Variants in ATG10 observed in about 807,000 individuals in gnomAD.
ATG10 encodes the protein autophagy related 10, also known as ubiquitin-like-conjugating enzyme ATG10.
ATG10 carries 30 observed loss-of-function variants against 32.1 expected under a neutral mutation model. The ratio of observed to expected loss-of-function variants is 0.94; its 90% confidence interval spans 0.70 to 1.27. The LOEUF (loss-of-function observed/expected upper bound fraction) is 1.27, where lower values mean the gene tolerates loss of function less well. Among genes scored for constraint, ATG10 ranks in the 50% most tolerant of loss-of-function variants. ATG10 has a pLI of 0.00. For missense variants in ATG10, 233 were observed against 262.3 expected (o/e 0.89, Z 0.77); for synonymous variants, 87 against 91.5 (o/e 0.95, Z 0.28).
At chr5:82,169,629 T>C (rs1200432248) in intron 4 of ATG10, among the ~76,000 whole-genome samples, 1 of 152,196 alleles carries the variant, frequency 6.6e-6, no homozygotes, top group African/African-American at 2.4e-5. Flanking sequence ...TTGTAAAGAA[T>C]CTTTAAGAAA....
intron 5 of ATG10, among the ~76,000 whole-genome samples, chr5:82,203,890 C>T (rs114436204): frequency 2.6e-5 from 4 of 152,110 alleles, no homozygotes; most frequent in Admixed American, 6.5e-5. Flanking sequence ...ACTTTTATTG[C>T]GGTCCCAGGT....
At chr5:82,108,380 A>G (rs2149811288) in intron 3 of ATG10, among the ~76,000 whole-genome samples, 1 of 151,998 alleles carries the variant, frequency 6.6e-6, no homozygotes, top group South Asian at 2.1e-4. Flanking sequence ...ACCTATATAT[A>G]TGTGCATATA....
At chr5:82,036,426 T>G (rs1762924691) in intron 2 of ATG10, among the ~76,000 whole-genome samples, 1 of 152,118 alleles carries the variant, frequency 6.6e-6, no homozygotes, top group Admixed American at 6.5e-5. Context: ...AAACCCCATC[T>G]CTACTAAAAA....
At chr5:82,101,051 G>C (rs1317530796) in intron 3 of ATG10, among the ~76,000 whole-genome samples, 1 of 152,050 alleles carries the variant, frequency 6.6e-6, no homozygotes, top group East Asian at 1.9e-4. Flanking sequence ...AAGTAGAGAG[G>C]TTATAGGTAA....
chr5:81,997,868 C>T (rs1761714484), intron 2 of ATG10, among the ~76,000 whole-genome samples: 1 of 152,104 alleles, frequency 6.6e-6, no homozygotes, highest in African/African-American at 2.4e-5. Flanking sequence ...TGTACAAAAC[C>T]TTTGAAAAAT....
chr5:82,168,858 C>A (rs962114575), intron 4 of ATG10, among the ~76,000 whole-genome samples: 1 of 152,134 alleles, frequency 6.6e-6, no homozygotes, highest in Non-Finnish European at 1.5e-5. Flanking sequence ...AAGAGGACAT[C>A]TTTGGAGTGC....
At chr5:82,004,082 G>A (rs771682873) in intron 2 of ATG10, among the ~76,000 whole-genome samples, 29 of 151,734 alleles carry the variant, frequency 1.9e-4, no homozygotes, top group Non-Finnish European at 3.7e-4. Flanking sequence ...GCAGTGAGCC[G>A]AGATTGTGCT....
At chr5:82,048,859 C>T (rs1469976226) in intron 2 of ATG10, among the ~76,000 whole-genome samples, 3 of 152,162 alleles carry the variant, frequency 2.0e-5, no homozygotes, top group Admixed American at 6.5e-5. Flanking sequence ...TACCATCTCA[C>T]ACCAGTTAGA....
intron 2 of ATG10, among the ~76,000 whole-genome samples, chr5:81,988,747 T>C (rs1437117274): frequency 1.3e-5 from 2 of 152,238 alleles, no homozygotes; most frequent in Non-Finnish European, 2.9e-5. Context: ...AGTATTTTTT[T>C]CTCTTGGTTC....
rs1398582995 is a variant in ATG10, at chr5:82,048,909, A to T, written c.109-9586A>T. 1.2e-4 allele frequency among the ~76,000 whole-genome samples: 19 copies of T among 152,064 alleles called. No homozygotes were observed. The East Asian group carries it at 3.7e-3, about 29-fold the overall frequency. On this transcript the variant is annotated intron_variant, in intron 2 of 7. Coordinates refer to ENST00000282185, the MANE Select transcript of ATG10 (RefSeq NM_031482.5). The stretch of plus-strand genomic sequence containing the variant: ...AAAGTCAGGAGACAACAGGTGCTGG[A>T]GAGGATGTGGAGAAATAGGAACACT...
At chr5:82,023,999 C>G (rs1196890328) in intron 2 of ATG10, among the ~76,000 whole-genome samples, 1 of 152,160 alleles carries the variant, frequency 6.6e-6, no homozygotes, top group African/African-American at 2.4e-5. Context: ...ATTTAAATGG[C>G]TGTTTATTAT....
At chr5:82,021,745 C>T (rs1020182791) in intron 2 of ATG10, among the ~76,000 whole-genome samples, 1 of 151,812 alleles carries the variant, frequency 6.6e-6, no homozygotes, top group African/African-American at 2.4e-5. Flanking sequence ...CTGGGCGTGG[C>T]TGGGCACAGT....
intron 3 of ATG10, among the ~76,000 whole-genome samples, chr5:82,070,457 T>TA (rs1413463881): frequency 6.6e-6 from 1 of 152,134 alleles, no homozygotes; most frequent in Non-Finnish European, 1.5e-5. Context: ...GTTTTTTAGA[T>TA]ATGAAAAAGA....
chr5:81,990,724 T>C (rs1230313008), intron 2 of ATG10, among the ~76,000 whole-genome samples: 2 of 152,126 alleles, frequency 1.3e-5, no homozygotes, highest in Non-Finnish European at 2.9e-5. Context: ...ATTGAAACAT[T>C]ACAATAAATG....
intron 3 of ATG10, among the ~76,000 whole-genome samples, chr5:82,149,548 C>T (rs1349293760): frequency 6.6e-6 from 1 of 151,828 alleles, no homozygotes; most frequent in Non-Finnish European, 1.5e-5. Context: ...GTAAGAGGAA[C>T]ATGTTACCAA....
chr5:82,184,874 C>G (rs529539523), intron 5 of ATG10, among the ~76,000 whole-genome samples: 1 of 152,126 alleles, frequency 6.6e-6, no homozygotes. Flanking sequence ...TTTCTGCTAC[C>G]GCAACAGGGC....
rs869311526 is a variant in ATG10 at position 82,100,000 on chromosome 5, G to GTTTTT, written c.216+41420_216+41424dup. On this transcript the variant is annotated intron_variant, in intron 3 of 7. Transcript: ENST00000282185. ...CTGATTTCTTTCTTTCTTTTTCTGTGTTTTTTTTTTTTTTTTTTTTTTTTT... is the reference window on the plus strand; with the variant it reads ...CTGATTTCTTTCTTTCTTTTTCTGTGTTTTTTTTTTTTTTTTTTTTTTTTTTTTTT... Among the ~76,000 whole-genome samples the GTTTTT allele has an allele frequency of 1.4e-4, 8 of 58,954 alleles. 1 individual carries two copies. Among genetic ancestry groups the GTTTTT allele is most frequent in the Admixed American group, 4.1e-4 (2 of 4,924 alleles). The allele number at this position is 58,954 out of a possible 152,430, so 38.7% of individuals were successfully genotyped here. A position where few individuals can be genotyped will look rare whatever the true frequency, so the allele number is the denominator to read the frequency against.
chr5:82,146,904 T>C (rs78987625), intron 3 of ATG10, among the ~76,000 whole-genome samples: 10,815 of 152,248 alleles, frequency 0.071, 555 homozygotes, highest in Non-Finnish European at 0.11. Flanking sequence ...AACCTAGACG[T>C]TGGAAATATC....
intron 5 of ATG10, among the ~76,000 whole-genome samples, chr5:82,188,867 A>G (rs1744553843): frequency 6.6e-6 from 1 of 151,978 alleles, no homozygotes; most frequent in Non-Finnish European, 1.5e-5. Context: ...GTTATTGCAC[A>G]TTATTTTCTT....
Sources: allele counts gnomAD v4.1 joint callset (sites outside exome capture counted in the v4.1 genomes callset), GRCh38; gene constraint gnomAD v4.1.1; transcripts MANE v1.5; gene names NCBI Gene and HGNC (gene_info 2026-07-23, HGNC 2026-07-21).